NEURL1B: variants seen among roughly 807,000 people sequenced by gnomAD.
NEURL1B encodes neuralized E3 ubiquitin protein ligase 1B.
Under a neutral mutation model 37.4 loss-of-function variants are expected in NEURL1B, and 13 were observed. The ratio of observed to expected loss-of-function variants is 0.35; its 90% confidence interval spans 0.23 to 0.55. NEURL1B has a LOEUF of 0.55. NEURL1B is among the 20% of genes least tolerant of loss of function. NEURL1B has a pLI of 0.89. For missense variants in NEURL1B, 790 were observed against 879.2 expected (o/e 0.90, Z 1.28); for synonymous variants, 432 against 426.6 (o/e 1.01, Z -0.16).
chr5:172,677,946 G>T (rs1758271315), intron 2 of NEURL1B, among the ~76,000 whole-genome samples: 1 of 152,138 alleles, frequency 6.6e-6, no homozygotes, highest in Non-Finnish European at 1.5e-5. Flanking sequence ...GCTGTGCCCT[G>T]AGGCGTGAGT....
At chr5:172,655,247 C>G (rs1438187818) in intron 1 of NEURL1B, among the ~76,000 whole-genome samples, 1 of 151,880 alleles carries the variant, frequency 6.6e-6, no homozygotes, top group Non-Finnish European at 1.5e-5. Flanking sequence ...GTCTCAACCC[C>G]TCAAACCAGG....
rs907152436 is a variant in NEURL1B at position 172,685,139 on chromosome 5, A to G, written c.1297+1001A>G. ...TTCTCCTGAGCCTGTTTCCTTCTGT[A>G]GAAAGAGAGTGATACCTGCTTCATG... is the stretch of plus-strand genomic sequence containing the variant. On this transcript the variant is annotated intron_variant, in intron 3 of 4. Transcript: ENST00000369800. Among the ~76,000 whole-genome samples, 5 of 152,306 alleles carry G rather than the reference A, an allele frequency of 3.3e-5. No individual in the cohort carries two copies. In the East Asian group the frequency reaches 9.7e-4, roughly 29 times the overall value.
chr5:172,655,919 C>T (rs542313870), intron 1 of NEURL1B, among the ~76,000 whole-genome samples: 18 of 152,164 alleles, frequency 1.2e-4, no homozygotes, highest in South Asian at 2.1e-4. Context: ...GTTTCGGTGC[C>T]GCAAAAGGAA....
intron 2 of NEURL1B, among the ~76,000 whole-genome samples, chr5:172,678,207 A>C (rs891590747): frequency 3.0e-4 from 45 of 152,274 alleles, no homozygotes; most frequent in African/African-American, 1.1e-3. Context: ...ACTTTCTTAA[A>C]TTGTGTAATA....
chr5:172,664,808 G>A (rs558596120), intron 1 of NEURL1B, among the ~76,000 whole-genome samples: 26 of 152,084 alleles, frequency 1.7e-4, no homozygotes, highest in African/African-American at 6.0e-4. Context: ...TTTATCTCAC[G>A]TCAGCGCTGT....
chr5:172,663,971 G>A (rs1328671875), intron 1 of NEURL1B, among the ~76,000 whole-genome samples: 2 of 151,738 alleles, frequency 1.3e-5, no homozygotes, highest in Non-Finnish European at 2.9e-5. Context: ...GCCAGGAGGC[G>A]AAGGGTGGGG....
rs559732210 is a variant in NEURL1B at position 172,682,020 on chromosome 5, C to T, written c.578-1399C>T. ...GACCTTAGTCGTTCCTTCATTCATC[C>T]AATAAACTATTAATAGTGAAGGCTA... On this transcript the variant is annotated intron_variant, in intron 2 of 4. Transcript: ENST00000369800. 2.8e-4 allele frequency among the ~76,000 whole-genome samples: 43 copies of T among 152,244 alleles called. No homozygotes were observed. The South Asian group carries it at 8.9e-3, about 32-fold the overall frequency.
chr5:172,682,881 AG>A lies in NEURL1B; in HGVS notation c.578-537del, dbSNP rs1758386288. On this transcript the variant is annotated intron_variant, in intron 2 of 4. Transcript: ENST00000369800. The stretch of plus-strand genomic sequence containing the variant: ...CCCTCTGTGCCTCAGTTTCCCTGTG[AG>A]CTCAATAGCAGGCAGTAACCGTACA... Among the ~76,000 whole-genome samples, 3 of 152,186 alleles carry A rather than the reference AG, an allele frequency of 2.0e-5. No individual in the cohort carries two copies. In the South Asian group the frequency reaches 6.2e-4, roughly 31 times the overall value.
Position 172,686,637 on chromosome 5 carries a change from G to A in NEURL1B, c.1424-44G>A. 2.0e-6 allele frequency: 3 copies of A among 1,527,944 alleles called. No individual in the cohort carries two copies. Among genetic ancestry groups the A allele is most frequent in the Non-Finnish European group, 2.7e-6 (3 of 1,129,376 alleles). The allele number at this position is 1,527,944 out of a possible 1,614,324, so 94.6% of individuals were successfully genotyped here. On this transcript the variant is annotated intron_variant, in intron 4 of 4. Transcript: ENST00000369800. This position sits in a 1 kb window ranked among gnomAD's most constrained non-coding sequence, Gnocchi z 7.9. ...GGGGTTGCCCCAACAGAGCCCACCT[G>A]AGAGAGACATTGTTAACATATGTCC... is the stretch of plus-strand genomic sequence containing the variant.
chr5:172,682,086 C>A (rs1758363567), intron 2 of NEURL1B, among the ~76,000 whole-genome samples: 2 of 152,204 alleles, frequency 1.3e-5, no homozygotes, highest in East Asian at 3.8e-4. Context: ...CAGACTGACA[C>A]AGACCCTGCC....
chr5:172,665,489 T>C lies in NEURL1B; in HGVS notation c.32-4296T>C, dbSNP rs925339341. Among the ~76,000 whole-genome samples the C allele has an allele frequency of 2.6e-5, 4 of 152,204 alleles. No individual in the cohort carries two copies. Among genetic ancestry groups the C allele is most frequent in the Non-Finnish European group, 5.9e-5 (4 of 68,022 alleles). ...GCCCCTCCCTGACAGGCAGTGCAGG[T>C]GTGGCCGTGGCCCTGCTTTGCCAAA... On this transcript the variant is annotated intron_variant, in intron 1 of 4. Coordinates refer to ENST00000369800, the MANE Select transcript of NEURL1B (RefSeq NM_001142651.3). This position sits in a 1 kb window ranked among gnomAD's most constrained non-coding sequence, Gnocchi z 4.1.
chr5:172,670,018 G>A lies in NEURL1B; in HGVS notation c.265G>A (p.Val89Met), dbSNP rs1238577298. The change falls in exon 2 of 5, where the codon GTG (valine) becomes ATG (methionine). Residue 89 changes from valine (V) to methionine (M), a missense_variant. Transcript: ENST00000369800. ...GCAGGTGCGGCTGCGCCTGGTGGCC[G>A]TGCGCCCTGGCTGGAGCGGCGCGCT... ...YEQVRLRLVA[V>M]RPGWSGALRF... The A allele has an allele frequency of 5.4e-6, 8 of 1,491,068 alleles. No individual in the cohort carries two copies. The highest frequency in any genetic ancestry group is 5.3e-6 in the Non-Finnish European group (6 of 1,126,914). 92.4% of individuals were successfully genotyped at this position (1,491,068 alleles called of 1,614,324 possible).
intron 1 of NEURL1B, among the ~76,000 whole-genome samples, chr5:172,663,829 T>TTTTTTTTTATTATTGTTATTATTATTA (rs138220033): frequency 7.1e-6 from 1 of 140,826 alleles, no homozygotes; most frequent in South Asian, 2.3e-4. Context: ...GTTTTATTTG[T>TTTTTTTTTATTATTGTTATTATTATTA]TTATTATTAT....
rs1561638166 is a variant in NEURL1B at position 172,641,277 on chromosome 5, C to A, written c.-130C>A. The A allele has an allele frequency of 1.2e-6, 1 of 834,792 alleles. No homozygotes were observed. The highest frequency in any genetic ancestry group is 5.9e-5 in the South Asian group (1 of 17,006). The allele number at this position is 834,792 out of a possible 1,614,324, so 51.7% of individuals were successfully genotyped here. A position where few individuals can be genotyped will look rare whatever the true frequency, so the allele number is the denominator to read the frequency against. Reference sequence around the variant, plus strand: ...CCCTCCCGGCTCCCGCCCCAGCTGCCGCCCGCCGGCTCGCCCGTGCAGCTG... The same window carrying A: ...CCCTCCCGGCTCCCGCCCCAGCTGCAGCCCGCCGGCTCGCCCGTGCAGCTG... On this transcript the variant is annotated 5_prime_UTR_variant, in exon 1 of 5. Coordinates refer to ENST00000369800, the MANE Select transcript of NEURL1B (RefSeq NM_001142651.3). The surrounding 1 kb of genome is among the most constrained non-coding windows in gnomAD (Gnocchi z 6.4).
chr5:172,674,306 A>AT (rs1166550890), intron 2 of NEURL1B, among the ~76,000 whole-genome samples: 1 of 151,338 alleles, frequency 6.6e-6, no homozygotes, highest in African/African-American at 2.4e-5. Context: ...GGCCTCACAT[A>AT]TTTTTTTTGC....
rs558471572 is a variant in NEURL1B at position 172,678,074 on chromosome 5, G to A, written c.578-5345G>A. 2.0e-5 allele frequency among the ~76,000 whole-genome samples: 3 copies of A among 152,142 alleles called. No homozygotes were observed. In the South Asian group the frequency reaches 6.2e-4, roughly 32 times the overall value. On this transcript the variant is annotated intron_variant, in intron 2 of 4. Coordinates refer to ENST00000369800, the MANE Select transcript of NEURL1B (RefSeq NM_001142651.3). ...CCCGGCTGTGTGAATGTTGCTGCTT[G>A]TGGCTCCTGGGCCTTCCCGAGCTCC...
chr5:172,649,318 G>A lies in NEURL1B; in HGVS notation c.31+7881G>A, dbSNP rs1561641052. The stretch of plus-strand genomic sequence containing the variant: ...AGGGAATGCCTTCCAGCGCCCATCT[G>A]CCGAACTCCTGCAAAGCCCTTCACT... On this transcript the variant is annotated intron_variant, in intron 1 of 4. Transcript: ENST00000369800. Among the ~76,000 whole-genome samples, 7 of 143,374 alleles carry A rather than the reference G, an allele frequency of 4.9e-5. No individual in the cohort carries two copies. The South Asian group carries it at 1.6e-3, about 32-fold the overall frequency. 94.1% of individuals were successfully genotyped at this position (143,374 alleles called of 152,430 possible). A position where few individuals can be genotyped will look rare whatever the true frequency, so the allele number is the denominator to read the frequency against.
In NEURL1B at chr5:172,683,636, G is replaced by A. The variant is rs1228694633; in HGVS notation, c.795G>A (p.Glu265=). The change falls in exon 3 of 5, where the codon GAG becomes GAA. Residue 265 remains glutamate, a synonymous_variant. Coordinates refer to ENST00000369800, the MANE Select transcript of NEURL1B (RefSeq NM_001142651.3). The surrounding 1 kb of genome is among the most constrained non-coding windows in gnomAD (Gnocchi z 5.6). ...CCGCCATTCCGTGCGGGCCCCGTGAGCGCCCGCGGCCCGCGTCGTCGCCGG... is the reference window on the plus strand; with the variant it reads ...CCGCCATTCCGTGCGGGCCCCGTGAACGCCCGCGGCCCGCGTCGTCGCCGG... The part of the protein sequence containing the change: ...AAAAIPCGPR[E]RPRPASSPAL... 1.6e-6 allele frequency: 2 copies of A among 1,232,066 alleles called. No homozygotes were observed. The highest frequency in any genetic ancestry group is 4.4e-5 in the Admixed American group (1 of 22,666). The allele number at this position is 1,232,066 out of a possible 1,614,324, so 76.3% of individuals were successfully genotyped here. A position where few individuals can be genotyped will look rare whatever the true frequency, so the allele number is the denominator to read the frequency against.
chr5:172,652,750 C>T (rs1249412689), intron 1 of NEURL1B, among the ~76,000 whole-genome samples: 1 of 152,190 alleles, frequency 6.6e-6, no homozygotes, highest in African/African-American at 2.4e-5. Context: ...CTTGGCAAGT[C>T]CCCACAGGGT....
Sources: gnomAD v4.1 joint callset for allele counts (sites outside exome capture counted in the v4.1 genomes callset) on GRCh38, gnomAD v4.1.1 for gene constraint, Gnocchi (gnomAD v3.1) non-coding constraint, MANE v1.5 for transcripts, NCBI Gene and HGNC (gene_info 2026-07-23, HGNC 2026-07-21) for gene names.